Variants in NUBPL observed in about 807,000 individuals in gnomAD.
NUBPL encodes NUBP iron-sulfur cluster assembly factor, mitochondrial, also known as iron-sulfur cluster transfer protein NUBPL.
Under a neutral mutation model 45.7 loss-of-function variants are expected in NUBPL, and 31 were observed. The observed-to-expected ratio is 0.68, with a 90% CI of 0.51 to 0.92. The LOEUF is 0.92. Ranked by LOEUF, NUBPL falls within the 40% of genes least tolerant of loss-of-function variation. The pLI is 0.00. For synonymous variants in NUBPL, 144 were observed against 140.9 expected (o/e 1.02, Z -0.15); for missense variants, 401 against 398.7 (o/e 1.01, Z -0.05).
At chr14:31,821,202 C>G (rs2040012698) in intron 7 of NUBPL, among the ~76,000 whole-genome samples, 2 of 152,134 alleles carry the variant, frequency 1.3e-5, no homozygotes, top group South Asian at 2.1e-4. Flanking sequence ...GGGATCACAT[C>G]ACGTTAAAAA....
chr14:31,771,598 T>G (rs573742069), intron 6 of NUBPL, among the ~76,000 whole-genome samples: 1 of 152,270 alleles, frequency 6.6e-6, no homozygotes, highest in Admixed American at 6.5e-5. Flanking sequence ...TAAATCCCAT[T>G]CCTAATCACT....
At chr14:31,663,151 T>C (rs1027968993) in intron 4 of NUBPL, among the ~76,000 whole-genome samples, 1 of 152,224 alleles carries the variant, frequency 6.6e-6, no homozygotes, top group African/African-American at 2.4e-5. Context: ...CTTTGTCAGA[T>C]GGATAGATTG....
In NUBPL at chr14:31,619,022, A is replaced by G. The variant is rs1242312482; in HGVS notation, c.382+19643A>G. On this transcript the variant is annotated intron_variant, in intron 4 of 10. Coordinates refer to ENST00000281081, the MANE Select transcript of NUBPL (RefSeq NM_025152.3). ...ATAGTTAGCTCTTCTTGTTGCATTGATGACTTCATCATTATGTAATGTCCT... is the reference window on the plus strand; with the variant it reads ...ATAGTTAGCTCTTCTTGTTGCATTGGTGACTTCATCATTATGTAATGTCCT... Among the ~76,000 whole-genome samples, 3 of 152,154 alleles carry G rather than the reference A, an allele frequency of 2.0e-5. No individual in the cohort carries two copies. The East Asian group carries it at 5.8e-4, about 29-fold the overall frequency.
chr14:31,612,515 G>T (rs368481632), intron 4 of NUBPL, among the ~76,000 whole-genome samples: 1 of 152,164 alleles, frequency 6.6e-6, no homozygotes, highest in Non-Finnish European at 1.5e-5. Context: ...ACAAAAATTA[G>T]CTGGGCGTGG....
chr14:31,662,384 C>T (rs1033093333), intron 4 of NUBPL, among the ~76,000 whole-genome samples: 1 of 151,828 alleles, frequency 6.6e-6, no homozygotes, highest in East Asian at 1.9e-4. Flanking sequence ...AGTGCCATGG[C>T]GGTTTGCTGC....
At chr14:31,815,247 T>A (rs2039892564) in intron 7 of NUBPL, among the ~76,000 whole-genome samples, 1 of 152,156 alleles carries the variant, frequency 6.6e-6, no homozygotes, top group African/African-American at 2.4e-5. Context: ...CTTGAAGAGG[T>A]CCTTCACATC....
At chr14:31,858,040 G>A (rs547801043) in intron 10 of NUBPL, among the ~76,000 whole-genome samples, 1 of 152,170 alleles carries the variant, frequency 6.6e-6, no homozygotes, top group East Asian at 1.9e-4. Flanking sequence ...AAAAGAAAGA[G>A]GTTTATTGGA....
intron 4 of NUBPL, among the ~76,000 whole-genome samples, chr14:31,666,932 G>A (rs1356160488): frequency 2.6e-5 from 4 of 152,180 alleles, no homozygotes; most frequent in Non-Finnish European, 5.9e-5. Context: ...CTGTTAGTCT[G>A]ATGGGCTTCC....
intron 4 of NUBPL, among the ~76,000 whole-genome samples, chr14:31,625,605 A>G (rs1422592662): frequency 6.6e-6 from 1 of 150,996 alleles, no homozygotes; most frequent in Non-Finnish European, 1.5e-5. Context: ...CCTCCTGAGT[A>G]GCTGGGACTA....
chr14:31,644,575 G>C (rs551163663), intron 4 of NUBPL, among the ~76,000 whole-genome samples: 11 of 151,998 alleles, frequency 7.2e-5, no homozygotes, highest in African/African-American at 2.7e-4. Context: ...CCTAAGATTT[G>C]GTATCTTCTG....
chr14:31,710,044 C>T (rs2037536083), intron 6 of NUBPL, among the ~76,000 whole-genome samples: 1 of 152,122 alleles, frequency 6.6e-6, no homozygotes, highest in South Asian at 2.1e-4. Context: ...GGTCAAGCTG[C>T]AGGATAGTAT....
intron 3 of NUBPL, among the ~76,000 whole-genome samples, chr14:31,567,847 C>A (rs1306194828): frequency 6.6e-6 from 1 of 152,152 alleles, no homozygotes; most frequent in African/African-American, 2.4e-5. Flanking sequence ...GAATCAGAAA[C>A]CCTGGGGATA....
At chr14:31,799,748 T>C (rs1053342903) in intron 7 of NUBPL, among the ~76,000 whole-genome samples, 1 of 152,228 alleles carries the variant, frequency 6.6e-6, no homozygotes, top group Non-Finnish European at 1.5e-5. Flanking sequence ...AGAGTGTCTT[T>C]CCTTCGTGAT....
intron 3 of NUBPL, among the ~76,000 whole-genome samples, chr14:31,583,661 T>G (rs2033921589): frequency 6.6e-6 from 1 of 152,142 alleles, no homozygotes; most frequent in Admixed American, 6.6e-5. Flanking sequence ...CCGGTCAGAT[T>G]TTCTTAAAAA....
chr14:31,827,051 A>G (rs1297247311), intron 8 of NUBPL, among the ~76,000 whole-genome samples: 3 of 152,170 alleles, frequency 2.0e-5, no homozygotes, highest in Non-Finnish European at 4.4e-5. Flanking sequence ...ACTTATGGGG[A>G]AGCGGATGAA....
intron 4 of NUBPL, among the ~76,000 whole-genome samples, chr14:31,672,199 A>G (rs992626584): frequency 4.0e-5 from 6 of 151,572 alleles, no homozygotes; most frequent in African/African-American, 1.5e-4. Context: ...ACTTTTGTGG[A>G]TTTTTATACT....
At chr14:31,685,423 C>T (rs149653219) in intron 6 of NUBPL, among the ~76,000 whole-genome samples, 1 of 151,986 alleles carries the variant, frequency 6.6e-6, no homozygotes, top group East Asian at 1.9e-4. Context: ...TAAAATAGGC[C>T]ATTCAAGAAT....
chr14:31,752,991 A>G (rs534976678), intron 6 of NUBPL, among the ~76,000 whole-genome samples: 29 of 152,328 alleles, frequency 1.9e-4, no homozygotes, highest in Non-Finnish European at 3.4e-4. Context: ...ACTCACTATC[A>G]TGAGAACAGC....
intron 6 of NUBPL, among the ~76,000 whole-genome samples, chr14:31,785,446 G>T (rs1459384749): frequency 6.6e-6 from 1 of 152,142 alleles, no homozygotes; most frequent in African/African-American, 2.4e-5. Flanking sequence ...GGACCCTATT[G>T]TGAGGGATCT....
Sources: gnomAD v4.1 joint callset for allele counts (sites outside exome capture counted in the v4.1 genomes callset) on GRCh38, gnomAD v4.1.1 for gene constraint, MANE v1.5 for transcripts, NCBI Gene and HGNC (gene_info 2026-07-23, HGNC 2026-07-21) for gene names.